Variants in TBC1D19 observed in about 807,000 individuals in gnomAD.
TBC1D19 encodes the protein TBC1 domain family, member 19.
A neutral mutation model predicts 89.0 loss-of-function variants in TBC1D19; 60 were observed. That is an observed-to-expected ratio of 0.67 (90% CI 0.55 to 0.84). The LOEUF (loss-of-function observed/expected upper bound fraction) is 0.84. TBC1D19 is among the 40% of genes least tolerant of loss of function. TBC1D19 has a pLI of 0.00. For synonymous variants in TBC1D19, 189 were observed against 199.7 expected (o/e 0.95, Z 0.45); for missense variants, 500 against 610.8 (o/e 0.82, Z 1.91).
chr4:26,850,403 C>T, the TBC1D19 span, among the ~76,000 whole-genome samples: 2,889 of 151,604 alleles, frequency 0.019, 104 homozygotes, highest in African/African-American at 0.067. Context: ...GAAAAATTAG[C>T]CAGGCTTGGT....
chr4:26,608,799 A>AT (rs961618003), intron 1 of TBC1D19, among the ~76,000 whole-genome samples: 4 of 151,764 alleles, frequency 2.6e-5, no homozygotes, highest in African/African-American at 9.7e-5. Context: ...ACTTAAATAT[A>AT]TTTTTTATCA....
the TBC1D19 span, among the ~76,000 whole-genome samples, chr4:26,798,232 C>T: frequency 2.7e-5 from 4 of 150,812 alleles, no homozygotes; most frequent in Admixed American, 2.0e-4. Flanking sequence ...AAATGGCAAT[C>T]CTAGCCATGT....
At chr4:26,846,371 G>A in the TBC1D19 span, among the ~76,000 whole-genome samples, 1 of 152,124 alleles carries the variant, frequency 6.6e-6, no homozygotes, top group African/African-American at 2.4e-5. Context: ...CATTAGTCAA[G>A]TAGATCATTT....
At chr4:26,626,720 T>G (rs1742429354) in intron 4 of TBC1D19, among the ~76,000 whole-genome samples, 1 of 152,062 alleles carries the variant, frequency 6.6e-6, no homozygotes, top group Non-Finnish European at 1.5e-5. Context: ...AATTTTGCAT[T>G]ACTTCAGTTC....
At chr4:26,610,385 A>G (rs893034093) in intron 1 of TBC1D19, among the ~76,000 whole-genome samples, 4 of 147,094 alleles carry the variant, frequency 2.7e-5, no homozygotes, top group Non-Finnish European at 3.0e-5. Flanking sequence ...TGATAACATG[A>G]TATTTATGGT....
chr4:26,752,243 C>CT (rs758735137), intron 19 of TBC1D19, among the ~76,000 whole-genome samples: 3,277 of 128,902 alleles, frequency 0.025, 77 homozygotes, highest in East Asian at 0.067. Flanking sequence ...ATATTTCTTT[C>CT]TTTTTTTTTT....
chr4:26,583,625 A>T (rs1250638779), upstream of TBC1D19, among the ~76,000 whole-genome samples: 1 of 152,238 alleles, frequency 6.6e-6, no homozygotes, highest in Non-Finnish European at 1.5e-5. Flanking sequence ...ATGGAGTGCT[A>T]TGGTACAGTG....
chr4:26,691,396 A>G (rs565073515), intron 13 of TBC1D19, among the ~76,000 whole-genome samples: 74 of 152,348 alleles, frequency 4.9e-4, no homozygotes, highest in Admixed American at 9.8e-4. Context: ...AAGTGCCAAC[A>G]AACAAATATT....
chr4:26,734,016 G>A (rs1717820114), intron 15 of TBC1D19, among the ~76,000 whole-genome samples: 2 of 152,204 alleles, frequency 1.3e-5, no homozygotes, highest in Admixed American at 1.3e-4. Flanking sequence ...AAGAAATCCT[G>A]ATGGTGATAG....
At position 26,740,837 on chromosome 4, in the gene TBC1D19, C is replaced by G. The variant is rs183553169; in HGVS notation, c.1227+864C>G. The G allele has an allele frequency of 9.1e-6, 9 of 985,404 alleles. No individual in the cohort carries two copies. In the Admixed American group the frequency reaches 4.3e-4, roughly 47 times the overall value. 61.0% of individuals were successfully genotyped at this position (985,404 alleles called of 1,614,324 possible). A position where few individuals can be genotyped will look rare whatever the true frequency, so the allele number is the denominator to read the frequency against. On this transcript the variant is annotated intron_variant, in intron 17 of 20. Coordinates refer to ENST00000264866, the MANE Select transcript of TBC1D19 (RefSeq NM_018317.4). ...AATAGCTGTTCTTTATCCCCCCATT[C>G]TAAGCCTATATATTCCTATTTCACC...
intron 7 of TBC1D19, among the ~76,000 whole-genome samples, chr4:26,645,459 A>C (rs1045567258): frequency 5.3e-5 from 8 of 152,226 alleles, no homozygotes; most frequent in African/African-American, 1.9e-4. Flanking sequence ...CATATGTAGA[A>C]AGCTGAAACT....
intron 13 of TBC1D19, among the ~76,000 whole-genome samples, chr4:26,689,352 G>A (rs1188010126): frequency 6.6e-6 from 1 of 151,914 alleles, no homozygotes; most frequent in African/African-American, 2.4e-5. Flanking sequence ...TTAAAAGTTG[G>A]AGAATACAAA....
At chr4:26,688,035 G>A (rs533924778) in intron 12 of TBC1D19, among the ~76,000 whole-genome samples, 1 of 152,236 alleles carries the variant, frequency 6.6e-6, no homozygotes, top group East Asian at 1.9e-4. Flanking sequence ...GCTTCTGGAT[G>A]TTATGATTGC....
intron 3 of TBC1D19, among the ~76,000 whole-genome samples, chr4:26,619,152 A>C (rs781618389): frequency 6.6e-6 from 1 of 151,736 alleles, no homozygotes; most frequent in Admixed American, 6.6e-5. Flanking sequence ...TTCTTTGATC[A>C]TTAAATAACT....
At chr4:26,746,973 G>A (rs1718684093) in intron 18 of TBC1D19, among the ~76,000 whole-genome samples, 1 of 152,180 alleles carries the variant, frequency 6.6e-6, no homozygotes, top group African/African-American at 2.4e-5. Context: ...ACAAAGGGAT[G>A]ATTCATATCT....
chr4:26,780,618 A>G, the TBC1D19 span, among the ~76,000 whole-genome samples: 1 of 152,238 alleles, frequency 6.6e-6, no homozygotes, highest in Non-Finnish European at 1.5e-5. Context: ...CCAGCTACCC[A>G]CAGTGCAATC....
At chr4:26,821,005 C>T in the TBC1D19 span, among the ~76,000 whole-genome samples, 1 of 152,220 alleles carries the variant, frequency 6.6e-6, no homozygotes, top group Non-Finnish European at 1.5e-5. Flanking sequence ...ATTCACTCGA[C>T]TCAGCTTTCT....
At chr4:26,606,254 A>G (rs1436591895) in intron 1 of TBC1D19, among the ~76,000 whole-genome samples, 3 of 152,226 alleles carry the variant, frequency 2.0e-5, no homozygotes, top group Admixed American at 1.3e-4. Flanking sequence ...TTAAGAAACT[A>G]CAACAGTGGA....
At chr4:26,850,206 T>C in the TBC1D19 span, among the ~76,000 whole-genome samples, 1 of 152,000 alleles carries the variant, frequency 6.6e-6, no homozygotes, top group Admixed American at 6.6e-5. Flanking sequence ...AATGAGGTCA[T>C]TAGGGTGGGT....
Sources: allele counts gnomAD v4.1 joint callset (sites outside exome capture counted in the v4.1 genomes callset), GRCh38; gene constraint gnomAD v4.1.1; transcripts MANE v1.5; gene names NCBI Gene and HGNC (gene_info 2026-07-23, HGNC 2026-07-21).